FAR2: variants seen among roughly 807,000 people sequenced by gnomAD.
FAR2 encodes fatty acyl-CoA reductase 2.
FAR2 carries 19 observed loss-of-function variants against 56.0 expected under a neutral mutation model. That is an observed-to-expected ratio of 0.34 (90% CI 0.24 to 0.50). The LOEUF (loss-of-function observed/expected upper bound fraction) is 0.50. Ranked by LOEUF, FAR2 falls within the 20% of genes least tolerant of loss-of-function variation. The probability of loss-of-function intolerance (pLI) is 0.98; values close to 1 mark genes in which losing one functional copy is unlikely to be tolerated. For missense variants in FAR2, 508 were observed against 642.2 expected, an observed-to-expected ratio of 0.79 and a Z score of 2.26; for synonymous variants, 219 against 218.8, an observed-to-expected ratio of 1.00 and a Z score of -0.01.
At chr12:29,172,247 C>G (rs1949895042) in intron 1 of FAR2, among the ~76,000 whole-genome samples, 1 of 151,814 alleles carries the variant, frequency 6.6e-6, no homozygotes, top group South Asian at 2.1e-4. Context: ...GGTCGCTGCC[C>G]CATCTGGGAA....
At chr12:29,188,299 A>G (rs1365859958) in intron 1 of FAR2, among the ~76,000 whole-genome samples, 1 of 152,108 alleles carries the variant, frequency 6.6e-6, no homozygotes, top group Non-Finnish European at 1.5e-5. Flanking sequence ...CTTCGGGTCT[A>G]TCACCACCCA....
chr12:29,177,874 C>A (rs1438979349), intron 1 of FAR2, among the ~76,000 whole-genome samples: 4 of 151,874 alleles, frequency 2.6e-5, no homozygotes, highest in Admixed American at 6.6e-5. Flanking sequence ...CAACAAAAAA[C>A]CTCAGCCACT....
intron 1 of FAR2, among the ~76,000 whole-genome samples, chr12:29,160,402 G>A (rs557313878): frequency 8.3e-4 from 127 of 152,308 alleles, no homozygotes; most frequent in African/African-American, 3.0e-3. Context: ...TGCTAATTGA[G>A]GTAGACTGTG....
chr12:29,300,404 G>C (rs1310286925), intron 4 of FAR2, among the ~76,000 whole-genome samples: 1 of 152,094 alleles, frequency 6.6e-6, no homozygotes, highest in Non-Finnish European at 1.5e-5. Flanking sequence ...TGGAATTTTT[G>C]GAAGTTTTAG....
chr12:29,296,278 G>C (rs1474712137), intron 3 of FAR2, among the ~76,000 whole-genome samples: 1 of 152,142 alleles, frequency 6.6e-6, no homozygotes, highest in Non-Finnish European at 1.5e-5. Flanking sequence ...GTAGTAGTGT[G>C]ATTGTAGGCA....
At chr12:29,205,361 A>G (rs1908690) in intron 1 of FAR2, among the ~76,000 whole-genome samples, 119,552 of 152,142 alleles carry the variant, frequency 0.79, 47,749 homozygotes, top group East Asian at 0.91. Flanking sequence ...GATAATTTCC[A>G]GTGTTCTTGA....
intron 4 of FAR2, among the ~76,000 whole-genome samples, chr12:29,300,378 C>G (rs1380547235): frequency 6.6e-6 from 1 of 152,166 alleles, no homozygotes; most frequent in Non-Finnish European, 1.5e-5. Context: ...ACTATTTCAA[C>G]GACTCCTATA....
chr12:29,246,334 G>A (rs1197160470), intron 1 of FAR2, among the ~76,000 whole-genome samples: 2 of 152,130 alleles, frequency 1.3e-5, no homozygotes, highest in Non-Finnish European at 2.9e-5. Context: ...AAAACTTTCA[G>A]TTATTGATTT....
At chr12:29,192,776 A>AT (rs1950113277) in intron 1 of FAR2, among the ~76,000 whole-genome samples, 1 of 152,224 alleles carries the variant, frequency 6.6e-6, no homozygotes, top group African/African-American at 2.4e-5. Flanking sequence ...GTAAGGGATG[A>AT]GGTCGATTAA....
chr12:29,202,644 T>C (rs1051615660), intron 1 of FAR2, among the ~76,000 whole-genome samples: 44 of 152,308 alleles, frequency 2.9e-4, no homozygotes, highest in African/African-American at 1.1e-3. Context: ...CTTGATGCCA[T>C]CCTTGCAGTA....
intron 10 of FAR2, among the ~76,000 whole-genome samples, chr12:29,331,188 G>A (rs1449013317): frequency 1.3e-5 from 2 of 149,046 alleles, no homozygotes; most frequent in Non-Finnish European, 3.0e-5. Flanking sequence ...CACTGTACGT[G>A]AAACTCTCCA....
intron 1 of FAR2, chr12:29,151,610 A>T (rs1319711667): frequency 5.9e-5 from 9 of 152,362 alleles, no homozygotes; most frequent in African/African-American, 2.2e-4. Context: ...CCTACAAATT[A>T]TATCCTGACC....
intron 1 of FAR2, among the ~76,000 whole-genome samples, chr12:29,268,283 T>C (rs1948552731): frequency 6.6e-6 from 1 of 152,166 alleles, no homozygotes; most frequent in Non-Finnish European, 1.5e-5. Context: ...TTGAGGCCTT[T>C]CTACAGTTGA....
In FAR2 at chr12:29,204,365, T is replaced by C. The variant is rs911095443; in HGVS notation, c.-39+54958T>C. ...AAGAGGTACATATAAAATGAAACAA[T>C]GCCAAATTGCCATAGGGAAGATAAT... On this transcript the variant is annotated intron_variant, in intron 1 of 11. Coordinates refer to ENST00000536681, the MANE Select transcript of FAR2 (RefSeq NM_001271783.2). Among the ~76,000 whole-genome samples the C allele has an allele frequency of 2.6e-5, 4 of 152,194 alleles. No homozygotes were observed. The East Asian group carries it at 7.7e-4, about 29-fold the overall frequency.
intron 1 of FAR2, among the ~76,000 whole-genome samples, chr12:29,194,521 C>CCACACACACACACACACACA (rs3222956): frequency 6.7e-4 from 95 of 140,890 alleles, no homozygotes; most frequent in Non-Finnish European, 1.3e-3. Flanking sequence ...GCTAGTGATG[C>CCACACACACACACACACACA]CACACACACA....
At chr12:29,251,790 G>T (rs756225247) in intron 1 of FAR2, among the ~76,000 whole-genome samples, 2 of 152,070 alleles carry the variant, frequency 1.3e-5, no homozygotes, top group African/African-American at 2.4e-5. Flanking sequence ...ATTGTGCAAG[G>T]CTCTCCAGAA....
intron 1 of FAR2, among the ~76,000 whole-genome samples, chr12:29,227,821 A>G (rs375384992): frequency 2.0e-3 from 298 of 152,140 alleles, no homozygotes; most frequent in African/African-American, 6.9e-3. Flanking sequence ...TAGACTTAAC[A>G]CTAGAACCAA....
intron 1 of FAR2, among the ~76,000 whole-genome samples, chr12:29,266,630 A>C (rs1948520979): frequency 6.6e-6 from 1 of 152,150 alleles, no homozygotes; most frequent in Non-Finnish European, 1.5e-5. Flanking sequence ...AATTTTAAAA[A>C]TAACTGAAAG....
chr12:29,274,114 A>T (rs1364122436), intron 2 of FAR2, among the ~76,000 whole-genome samples: 1 of 151,726 alleles, frequency 6.6e-6, no homozygotes, highest in Non-Finnish European at 1.5e-5. Flanking sequence ...ACATATGTAT[A>T]CGTGTGCCAT....
Sources: allele counts gnomAD v4.1 joint callset (sites outside exome capture counted in the v4.1 genomes callset), GRCh38; gene constraint gnomAD v4.1.1; transcripts MANE v1.5; gene names NCBI Gene and HGNC (gene_info 2026-07-23, HGNC 2026-07-21).